ZBTB26: variants seen among roughly 807,000 people sequenced by gnomAD.
ZBTB26 encodes the protein zinc finger and BTB domain-containing protein 26.
In ZBTB26, 12 loss-of-function variants were observed where a neutral mutation model predicts 31.6. The ratio of observed to expected loss-of-function variants is 0.38; its 90% CI spans 0.24 to 0.61. The LOEUF is 0.61. Among genes scored for constraint, ZBTB26 ranks in the 20% least tolerant of loss-of-function variants. The pLI, the probability that ZBTB26 is intolerant of heterozygous loss-of-function variation, is 0.60. For missense variants in ZBTB26, 311 were observed against 521.9 expected (o/e 0.60, Z 3.94); for synonymous variants, 155 against 182.9 (o/e 0.85, Z 1.23).
chr9:122,921,706 C>T (rs956691068), intron 1 of ZBTB26, among the ~76,000 whole-genome samples: 5 of 151,674 alleles, frequency 3.3e-5, no homozygotes, highest in African/African-American at 4.8e-5. Flanking sequence ...CCAAGGCAGG[C>T]GGATCACCTG....
chr9:122,926,153 C>A lies in ZBTB26; in HGVS notation c.-11+5284G>T, dbSNP rs184709620. Among the ~76,000 whole-genome samples the A allele has an allele frequency of 2.9e-3, 445 of 152,102 alleles. 2 individuals are homozygous for A. The highest frequency in any genetic ancestry group is 0.01 in the African/African-American group (421 of 41,528). On this transcript the variant is annotated intron_variant, in intron 1 of 1. Coordinates refer to ENST00000373656, the MANE Select transcript of ZBTB26 (RefSeq NM_020924.4). ...CAGGTAATCTGTCTGCCTCAGCCTC[C>A]CAAAGTGTTGGGATTACAGGTGTGA...
intron 1 of ZBTB26, among the ~76,000 whole-genome samples, chr9:122,923,706 T>C (rs1475182231): frequency 6.6e-6 from 1 of 152,232 alleles, no homozygotes; most frequent in South Asian, 2.1e-4. Context: ...CATTCATTGG[T>C]TCTACCTATA....
chr9:122,923,677 C>T (rs552026284), intron 1 of ZBTB26, among the ~76,000 whole-genome samples: 1 of 152,298 alleles, frequency 6.6e-6, no homozygotes, highest in East Asian at 1.9e-4. Flanking sequence ...GTATTTCCCT[C>T]CTCACACCCC....
In ZBTB26 at chr9:122,916,130, A is replaced by G. The variant is rs1054366652; in HGVS notation, c.*2479T>C. 6.6e-6 allele frequency: 1 copy of G among 152,238 alleles called. No individual in the cohort carries two copies. The highest frequency in any genetic ancestry group is 2.4e-5 in the African/African-American group (1 of 41,462). 9.4% of individuals were successfully genotyped at this position (152,238 alleles called of 1,614,324 possible). A position where few individuals can be genotyped will look rare whatever the true frequency, so the allele number is the denominator to read the frequency against. On this transcript the variant is annotated 3_prime_UTR_variant, in exon 2 of 2. Coordinates refer to ENST00000373656, the MANE Select transcript of ZBTB26 (RefSeq NM_020924.4). ...AAACAGAACACCTCTCCAGCCAAAA[A>G]TGGAGGAGACTGTAAATCACTTCAG...
At chr9:122,927,236 C>T (rs1833197744) in intron 1 of ZBTB26, among the ~76,000 whole-genome samples, 1 of 152,184 alleles carries the variant, frequency 6.6e-6, no homozygotes, top group South Asian at 2.1e-4. Context: ...TTCTCACTTC[C>T]TCTTCATTTA....
Position 122,918,755 on chromosome 9 carries a change from T to C in ZBTB26, c.1180A>G (p.Thr394Ala), listed in dbSNP as rs1833053990. 4 of 1,614,082 alleles carry C rather than the reference T, an allele frequency of 2.5e-6. No individual in the cohort carries two copies. The highest frequency in any genetic ancestry group is 3.4e-6 in the Non-Finnish European group (4 of 1,180,022). ...CATGCAAAAGAATCAAAATCCACTG[T>C]GAGGTCTTGTACATTTCTCTCATTG... ...NANERNVQDLTVDFDSFACTT... is the reference protein window; with the variant it reads ...NANERNVQDLAVDFDSFACTT... Residue 394 changes from threonine (T) to alanine (A), a missense_variant, in exon 2 of 2, where the codon ACA becomes GCA. Thr to Ala is a moderately conservative substitution (Grantham distance 58, BLOSUM62 0). Coordinates refer to ENST00000373656, the MANE Select transcript of ZBTB26 (RefSeq NM_020924.4).
At chr9:122,922,574 G>A (rs1419864118) in intron 1 of ZBTB26, among the ~76,000 whole-genome samples, 2 of 152,162 alleles carry the variant, frequency 1.3e-5, no homozygotes, top group African/African-American at 4.8e-5. Flanking sequence ...ACCCTCTTCT[G>A]TTCAAATCAG....
At chr9:122,922,232 T>C (rs1833112499) in intron 1 of ZBTB26, among the ~76,000 whole-genome samples, 1 of 152,172 alleles carries the variant, frequency 6.6e-6, no homozygotes, top group African/African-American at 2.4e-5. Context: ...AATGAGGCTC[T>C]GTCTAAAAAA....
At position 122,918,601 on chromosome 9, in the gene ZBTB26, G is replaced by A. The variant is rs771973344; in HGVS notation, c.*8C>T. 1.9e-6 allele frequency: 3 copies of A among 1,604,258 alleles called. No individual in the cohort carries two copies. Among genetic ancestry groups the A allele is most frequent in the Non-Finnish European group, 2.6e-6 (3 of 1,175,524 alleles). ...AGTCAGTTCGAGTTGTGAGCATGAA[G>A]CCCCTACTCAATTCACACAAGTACT... On this transcript the variant is annotated 3_prime_UTR_variant, in exon 2 of 2. Coordinates refer to ENST00000373656, the MANE Select transcript of ZBTB26 (RefSeq NM_020924.4).
In ZBTB26 at chr9:122,918,685, G is replaced by T; in HGVS notation, c.1250C>A (p.Ala417Glu). 3.1e-6 allele frequency: 5 copies of T among 1,614,214 alleles called. No homozygotes were observed. The highest frequency in any genetic ancestry group is 4.2e-6 in the Non-Finnish European group (5 of 1,180,026). Residue 417 changes from alanine (A) to glutamate (E), a missense_variant, in exon 2 of 2, where the codon GCA becomes GAA. By Grantham distance (107) the Ala-to-Glu change is moderately radical. Transcript: ENST00000373656. Reference protein sequence around the residue: ...DSKGCQPQPDATQVLDAGKLA... With the variant: ...DSKGCQPQPDETQVLDAGKLA... ...TTTACCTGCATCCAGGACCTGTGTT[G>T]CATCGGGTTGTGGCTGACACCCTTT...
chr9:122,924,119 G>T (rs1247482685), intron 1 of ZBTB26, among the ~76,000 whole-genome samples: 1 of 152,222 alleles, frequency 6.6e-6, no homozygotes, highest in African/African-American at 2.4e-5. Context: ...ACACATCACA[G>T]TTGTTAAGTG....
At position 122,918,070 on chromosome 9, in the gene ZBTB26, A is replaced by C. The variant is rs1833038544; in HGVS notation, c.*539T>G. Reference sequence around the variant, plus strand: ...ACATAACAAACCAGCATACTTCTTTATAGCCAGCTCCAAGACAAGTACAAA... The same window carrying C: ...ACATAACAAACCAGCATACTTCTTTCTAGCCAGCTCCAAGACAAGTACAAA... On this transcript the variant is annotated 3_prime_UTR_variant, in exon 2 of 2. Transcript: ENST00000373656. 1.3e-5 allele frequency: 2 copies of C among 155,178 alleles called. No individual in the cohort carries two copies. Among genetic ancestry groups the C allele is most frequent in the African/African-American group, 4.8e-5 (2 of 41,478 alleles). 9.6% of individuals were successfully genotyped at this position (155,178 alleles called of 1,614,324 possible). A position where few individuals can be genotyped will look rare whatever the true frequency, so the allele number is the denominator to read the frequency against.
chr9:122,919,401 A>G lies in ZBTB26; in HGVS notation c.534T>C (p.Ser178=), dbSNP rs778185584. The change falls in exon 2 of 2, where the codon AGT becomes AGC. Residue 178 remains serine (S), a synonymous_variant. Coordinates refer to ENST00000373656, the MANE Select transcript of ZBTB26 (RefSeq NM_020924.4). This position sits in a 1 kb window ranked among gnomAD's most constrained non-coding sequence, Gnocchi z 6.1. ...PSEDSMDMED[S]DIQIVKVESI... is the part of the protein sequence containing the mutation. ...ATTCTACCTTAACAATCTGAATATCACTGTCCTCCATATCCATACTGTCTT... is the reference window on the plus strand; with the variant it reads ...ATTCTACCTTAACAATCTGAATATCGCTGTCCTCCATATCCATACTGTCTT... The G allele has an allele frequency of 6.2e-7, 1 of 1,614,132 alleles. No individual in the cohort carries two copies. The highest frequency in any genetic ancestry group is 8.5e-7 in the Non-Finnish European group (1 of 1,180,020).
intron 1 of ZBTB26, among the ~76,000 whole-genome samples, chr9:122,929,620 T>C (rs1833235037): frequency 6.6e-6 from 1 of 152,256 alleles, no homozygotes; most frequent in Non-Finnish European, 1.5e-5. Flanking sequence ...GAACAGTGTC[T>C]GGTATGTACC....
chr9:122,926,102 C>A (rs933113227), intron 1 of ZBTB26, among the ~76,000 whole-genome samples: 1 of 151,770 alleles, frequency 6.6e-6, no homozygotes, highest in African/African-American at 2.4e-5. Context: ...ACCATGTTGG[C>A]CAGGCTGGTC....
At chr9:122,923,957 A>G (rs1201745209) in intron 1 of ZBTB26, among the ~76,000 whole-genome samples, 1 of 152,236 alleles carries the variant, frequency 6.6e-6, no homozygotes, top group African/African-American at 2.4e-5. Flanking sequence ...AGTATTCAGT[A>G]TAGTAACATG....
intron 1 of ZBTB26, among the ~76,000 whole-genome samples, chr9:122,923,383 C>G (rs1299041637): frequency 6.7e-6 from 1 of 149,606 alleles, no homozygotes; most frequent in East Asian, 1.9e-4. Flanking sequence ...GCGATGTAGA[C>G]AAGCAAATGA....
At chr9:122,928,888 T>C (rs1833225374) in intron 1 of ZBTB26, among the ~76,000 whole-genome samples, 2 of 152,230 alleles carry the variant, frequency 1.3e-5, no homozygotes, top group East Asian at 3.8e-4. Flanking sequence ...CATTTTAGTA[T>C]GTGATTACTC....
At position 122,923,077 on chromosome 9, in the gene ZBTB26, G is replaced by A. The variant is rs1000375108; in HGVS notation, c.-10-3133C>T. On this transcript the variant is annotated intron_variant, in intron 1 of 1. Coordinates refer to ENST00000373656, the MANE Select transcript of ZBTB26 (RefSeq NM_020924.4). ...CGGGCGCCTATAGTTTCAGCTACTC[G>A]GGAGGCTGAGGCAGGATAATTGTTT... Among the ~76,000 whole-genome samples the A allele has an allele frequency of 1.1e-4, 17 of 151,790 alleles. No homozygotes were observed. In the East Asian group the frequency reaches 2.9e-3, roughly 26 times the overall value.
Sources: gnomAD v4.1 joint callset for allele counts (sites outside exome capture counted in the v4.1 genomes callset) on GRCh38, gnomAD v4.1.1 for gene constraint, Gnocchi (gnomAD v3.1) non-coding constraint, MANE v1.5 for transcripts, NCBI Gene and HGNC (gene_info 2026-07-23, HGNC 2026-07-21) for gene names.